Variants in SBF2 observed in about 807,000 individuals in gnomAD.
SBF2 encodes the protein myotubularin-related protein 13.
A neutral mutation model predicts 225.2 loss-of-function variants in SBF2; 112 were observed. The observed-to-expected ratio is 0.50, with a 90% CI of 0.43 to 0.58. The LOEUF (loss-of-function observed/expected upper bound fraction) is 0.58. SBF2 is among the 20% of genes least tolerant of loss of function. SBF2 has a pLI of 0.00. For synonymous variants in SBF2, 763 were observed against 773.3 expected (o/e 0.99, Z 0.22); for missense variants, 1,996 against 2,206.2 (o/e 0.90, Z 1.91).
intron 2 of SBF2, among the ~76,000 whole-genome samples, chr11:10,066,204 A>G (rs1424488317): frequency 6.6e-6 from 1 of 152,094 alleles, no homozygotes; most frequent in Non-Finnish European, 1.5e-5. Flanking sequence ...AAAATATAGA[A>G]TACTTTCCAA....
chr11:10,002,038 G>T (rs1276239626), intron 7 of SBF2, among the ~76,000 whole-genome samples: 2 of 151,858 alleles, frequency 1.3e-5, no homozygotes, highest in Non-Finnish European at 2.9e-5. Flanking sequence ...AAAAAAAACA[G>T]AGGAAAAAAT....
At chr11:10,060,269 A>G (rs942360944) in intron 2 of SBF2, among the ~76,000 whole-genome samples, 2 of 152,202 alleles carry the variant, frequency 1.3e-5, no homozygotes, top group African/African-American at 4.8e-5. Context: ...CACAAAAACT[A>G]GAAAACCTTG....
Position 10,294,170 on chromosome 11 carries a change from T to A in SBF2, c.-101A>T. ...CTCAGCATTTTCCCTGCAGCGGCAG[T>A]AGCGGCAGCGGCAGCGCTTCAGCCA... On this transcript the variant is annotated 5_prime_UTR_variant, in exon 1 of 40. Coordinates refer to ENST00000256190, the MANE Select transcript of SBF2 (RefSeq NM_030962.4). 1.1e-6 allele frequency: 1 copy of A among 892,692 alleles called. No individual in the cohort carries two copies. Among genetic ancestry groups the A allele is most frequent in the Non-Finnish European group, 1.5e-6 (1 of 673,180 alleles). The allele number at this position is 892,692 out of a possible 1,614,324, so 55.3% of individuals were successfully genotyped here.
intron 6 of SBF2, among the ~76,000 whole-genome samples, chr11:10,007,678 A>G (rs1948255838): frequency 6.6e-6 from 1 of 152,126 alleles, no homozygotes; most frequent in African/African-American, 2.4e-5. Context: ...TTCAAGCCCC[A>G]GAGGAGCAAA....
intron 1 of SBF2, among the ~76,000 whole-genome samples, chr11:10,221,558 T>C (rs1958340754): frequency 6.6e-6 from 1 of 152,192 alleles, no homozygotes; most frequent in African/African-American, 2.4e-5. Context: ...GGCACAATCA[T>C]GGAGGGAATT....
rs188653392 is a variant in SBF2, at chr11:9,963,526, T to A, written c.1710+247A>T. ...CTAAGTAATATCCCAAAATAGTGTT[T>A]TGTGAACAATGTTTAAAAGTTTGAC... is the stretch of plus-strand genomic sequence containing the variant. On this transcript the variant is annotated intron_variant, in intron 15 of 39. Transcript: ENST00000256190. 3.4e-3 allele frequency among the ~76,000 whole-genome samples: 523 copies of A among 152,332 alleles called. 1 individual carries two copies. Among genetic ancestry groups the A allele is most frequent in the Admixed American group, 7.8e-3 (120 of 15,306 alleles).
chr11:9,934,838 C>A (rs1314562670), intron 16 of SBF2, among the ~76,000 whole-genome samples: 1 of 152,186 alleles, frequency 6.6e-6, no homozygotes, highest in Non-Finnish European at 1.5e-5. Context: ...GACAAACCCA[C>A]AGCCAATATC....
intron 1 of SBF2, among the ~76,000 whole-genome samples, chr11:10,244,923 C>T (rs929267388): frequency 1.3e-5 from 2 of 151,654 alleles, no homozygotes; most frequent in Non-Finnish European, 2.9e-5. Context: ...ATCACTTGAG[C>T]TCAGAAGTTC....
chr11:10,204,374 C>T (rs966480228), intron 1 of SBF2, among the ~76,000 whole-genome samples: 11 of 151,882 alleles, frequency 7.2e-5, no homozygotes, highest in South Asian at 4.2e-4. Context: ...TGGTGACTCA[C>T]GCCTGTAATA....
intron 5 of SBF2, 126 bp downstream of exon 5, chr11:10,029,634 CTAAAG>C (rs1225681675): frequency 1.3e-6 from 1 of 748,344 alleles, no homozygotes; most frequent in African/African-American, 1.7e-5. Context: ...CAATGCTTAA[CTAAAG>C]TAGGATCTTC....
chr11:10,033,372 T>G (rs1202332529), intron 3 of SBF2, among the ~76,000 whole-genome samples: 2 of 152,116 alleles, frequency 1.3e-5, no homozygotes, highest in Admixed American at 1.3e-4. Context: ...CAAAATAGAA[T>G]GCATTGGTCA....
intron 32 of SBF2, among the ~76,000 whole-genome samples, chr11:9,806,673 T>A (rs973057932): frequency 6.6e-6 from 1 of 152,220 alleles, no homozygotes; most frequent in East Asian, 1.9e-4. Context: ...GACAGATCAA[T>A]TGAAATTCGT....
At chr11:10,292,327 T>C (rs747852929) in intron 1 of SBF2, among the ~76,000 whole-genome samples, 6 of 152,132 alleles carry the variant, frequency 3.9e-5, no homozygotes, top group Non-Finnish European at 8.8e-5. Context: ...TCTCAAATTG[T>C]TGGGGGGCGG....
intron 1 of SBF2, among the ~76,000 whole-genome samples, chr11:10,287,901 C>T (rs983009064): frequency 7.9e-5 from 12 of 152,208 alleles, no homozygotes; most frequent in Non-Finnish European, 1.3e-4. Context: ...TGTAAGCGAG[C>T]GTACAGTCTG....
chr11:9,787,193 C>T (rs1467434452), intron 36 of SBF2, among the ~76,000 whole-genome samples: 1 of 152,132 alleles, frequency 6.6e-6, no homozygotes, highest in Non-Finnish European at 1.5e-5. Flanking sequence ...CGCACCCGGC[C>T]GTTAAAATAT....
chr11:9,962,277 G>C (rs1866626335), intron 15 of SBF2, among the ~76,000 whole-genome samples, 171 bp from the exon 16 acceptor site: 2 of 152,132 alleles, frequency 1.3e-5, no homozygotes, highest in East Asian at 3.8e-4. Flanking sequence ...TTATAAAATA[G>C]ATTTGTGGTT....
intron 2 of SBF2, among the ~76,000 whole-genome samples, chr11:10,099,692 G>A (rs1384994488): frequency 2.6e-5 from 4 of 152,040 alleles, no homozygotes; most frequent in East Asian, 3.8e-4. Context: ...TTGTGACATC[G>A]ATAACAAACT....
rs148376136 is a variant in SBF2, at chr11:10,211,735, G to A, written c.56-17748C>T. 8.1e-3 allele frequency among the ~76,000 whole-genome samples: 1,234 copies of A among 152,240 alleles called. 6 individuals carry two copies. The highest frequency in any genetic ancestry group is 0.021 in the South Asian group (103 of 4,798). On this transcript the variant is annotated intron_variant, in intron 1 of 39. Transcript: ENST00000256190. ...GCCAAAATACTGACCTAACCATGGAGGCAATATGATGACGGTGTACTATAC... is the reference window on the plus strand; with the variant it reads ...GCCAAAATACTGACCTAACCATGGAAGCAATATGATGACGGTGTACTATAC...
chr11:9,955,308 TATAC>T (rs35368286), intron 16 of SBF2, among the ~76,000 whole-genome samples: 1 of 151,896 alleles, frequency 6.6e-6, no homozygotes, highest in South Asian at 2.1e-4. Context: ...TTTACTATCA[TATAC>T]ATACATACAT....
Sources: gnomAD v4.1 joint callset for allele counts (sites outside exome capture counted in the v4.1 genomes callset) on GRCh38, gnomAD v4.1.1 for gene constraint, MANE v1.5 for transcripts, NCBI Gene and HGNC (gene_info 2026-07-23, HGNC 2026-07-21) for gene names.